KAZN: variants seen among roughly 807,000 people sequenced by gnomAD.
KAZN encodes the protein kazrin, periplakin interacting protein.
In KAZN, 40 loss-of-function variants were observed where a neutral mutation model predicts 87.4. The observed-to-expected ratio is 0.46, with a 90% CI of 0.36 to 0.60. The LOEUF is 0.60. Ranked by LOEUF, KAZN falls within the 20% of genes least tolerant of loss-of-function variation. The pLI is 0.00. For synonymous variants in KAZN, 466 were observed against 458.3 expected (o/e 1.02, Z -0.22); for missense variants, 898 against 1,073.9 (o/e 0.84, Z 2.29).
chr1:14,572,642 A>G (rs1557808723), intron 2 of KAZN, among the ~76,000 whole-genome samples: 1 of 152,112 alleles, frequency 6.6e-6, no homozygotes, highest in Admixed American at 6.5e-5. Context: ...GCTCTGTCGC[A>G]TTGAGCCTAT....
chr1:14,610,978 TG>T (rs2148620638), intron 1 of KAZN, among the ~76,000 whole-genome samples: 1 of 152,374 alleles, frequency 6.6e-6, no homozygotes, highest in South Asian at 2.1e-4. Context: ...ACTTTCGCTG[TG>T]GCTGTAACTG....
chr1:14,379,811 G>A (rs1661220314), intron 2 of KAZN, among the ~76,000 whole-genome samples: 1 of 152,160 alleles, frequency 6.6e-6, no homozygotes, highest in Non-Finnish European at 1.5e-5. Context: ...TAGTGCCTGG[G>A]GGAGCTTGCC....
At position 14,181,267 on chromosome 1, in the gene KAZN, C is replaced by A. The variant is rs1179778810; in HGVS notation, c.249+675C>A. Among the ~76,000 whole-genome samples, 7 of 152,132 alleles carry A rather than the reference C, an allele frequency of 4.6e-5. No homozygotes were observed. The South Asian group carries it at 1.5e-3, about 32-fold the overall frequency. On this transcript the variant is annotated intron_variant, in intron 2 of 16. Coordinates refer to the KAZN transcript ENST00000636203. ...GAGCTAGATCTAATTGTCATTCCTA[C>A]CTCTTCAGTGTCGGGAAATGTTTCA...
intron 2 of KAZN, among the ~76,000 whole-genome samples, chr1:14,325,790 A>G (rs78158000): frequency 0.054 from 8,193 of 152,248 alleles, 341 homozygotes; most frequent in East Asian, 0.14. Flanking sequence ...ATTATTATAA[A>G]ACACCATCAA....
intron 2 of KAZN, among the ~76,000 whole-genome samples, chr1:14,593,673 C>T (rs572878357): frequency 6.6e-6 from 1 of 152,088 alleles, no homozygotes; most frequent in South Asian, 2.1e-4. Flanking sequence ...AGAACAATAA[C>T]CAATGGCCAT....
At chr1:14,563,912 C>A (rs1674400671) in intron 2 of KAZN, among the ~76,000 whole-genome samples, 2 of 105,926 alleles carry the variant, frequency 1.9e-5, no homozygotes, top group Non-Finnish European at 3.9e-5. Flanking sequence ...TCTTGCTCAG[C>A]CACCCAGGCT....
chr1:14,772,206 G>A (rs1459211707), intron 1 of KAZN, among the ~76,000 whole-genome samples: 1 of 152,144 alleles, frequency 6.6e-6, no homozygotes, highest in East Asian at 1.9e-4. Context: ...GATGGGCCTG[G>A]GTGCGGTGGC....
intron 1 of KAZN, among the ~76,000 whole-genome samples, chr1:14,004,576 C>A (rs950533370): frequency 6.6e-6 from 1 of 152,172 alleles, no homozygotes; most frequent in African/African-American, 2.4e-5. Context: ...CTAGAAGAAG[C>A]ACGATGAGAA....
chr1:14,874,723 T>C (rs1652565036), intron 1 of KAZN, among the ~76,000 whole-genome samples: 1 of 152,186 alleles, frequency 6.6e-6, no homozygotes, highest in South Asian at 2.1e-4. Flanking sequence ...GTGACCTGTG[T>C]TTGCTATAAG....
Position 14,200,331 on chromosome 1 carries a change from T to C in KAZN, c.249+19739T>C, listed in dbSNP as rs1162068944. Among the ~76,000 whole-genome samples, 7 of 152,206 alleles carry C rather than the reference T, an allele frequency of 4.6e-5. No homozygotes were observed. The East Asian group carries it at 5.8e-4, about 13-fold the overall frequency. ...TACACAGAAATATTAACAGAAGTGATCTCTGAACAGTGAGATAATAGTTTT... is the reference window on the plus strand; with the variant it reads ...TACACAGAAATATTAACAGAAGTGACCTCTGAACAGTGAGATAATAGTTTT... On this transcript the variant is annotated intron_variant, in intron 2 of 16. Coordinates refer to the KAZN transcript ENST00000636203.
At chr1:14,317,864 A>G (rs1655766778) in intron 2 of KAZN, among the ~76,000 whole-genome samples, 1 of 151,976 alleles carries the variant, frequency 6.6e-6, no homozygotes, top group Non-Finnish European at 1.5e-5. Flanking sequence ...GAACCTATCC[A>G]TGACATAAAG....
chr1:14,608,415 A>C (rs1305384043), intron 1 of KAZN, among the ~76,000 whole-genome samples: 1 of 152,220 alleles, frequency 6.6e-6, no homozygotes, highest in Non-Finnish European at 1.5e-5. Context: ...AAAATAGACA[A>C]TGAAGTGACA....
chr1:13,921,867 G>A (rs980152145), intron 1 of KAZN, among the ~76,000 whole-genome samples: 5 of 152,068 alleles, frequency 3.3e-5, no homozygotes, highest in Admixed American at 6.5e-5. Context: ...TCCTGACCTC[G>A]TGATCTGCCC....
intron 1 of KAZN, among the ~76,000 whole-genome samples, chr1:13,996,753 G>A (rs759178993): frequency 1.3e-4 from 20 of 152,228 alleles, no homozygotes; most frequent in Non-Finnish European, 2.5e-4. Flanking sequence ...CTGCAGACCA[G>A]CAGACTTAGC....
At chr1:14,257,140 A>G (rs1050682098) in intron 2 of KAZN, among the ~76,000 whole-genome samples, 1 of 152,046 alleles carries the variant, frequency 6.6e-6, no homozygotes, top group Non-Finnish European at 1.5e-5. Context: ...GTATGTCCTT[A>G]TTTTTAAAGG....
intron 1 of KAZN, among the ~76,000 whole-genome samples, chr1:13,954,748 A>G (rs1033287378): frequency 3.9e-5 from 6 of 152,174 alleles, no homozygotes; most frequent in Non-Finnish European, 8.8e-5. Flanking sequence ...GCAATTGCCC[A>G]TAATTTATCC....
chr1:14,509,427 T>C (rs1393541764), intron 2 of KAZN, among the ~76,000 whole-genome samples: 2 of 152,188 alleles, frequency 1.3e-5, no homozygotes, highest in South Asian at 2.1e-4. Flanking sequence ...ATGTCCATGA[T>C]GGATGGAGAT....
At chr1:14,487,175 G>A (rs1669393585) in intron 2 of KAZN, among the ~76,000 whole-genome samples, 1 of 152,188 alleles carries the variant, frequency 6.6e-6, no homozygotes, top group Admixed American at 6.5e-5. Flanking sequence ...CAGCATGAGT[G>A]CTCAGGCCCC....
intron 1 of KAZN, among the ~76,000 whole-genome samples, chr1:14,872,583 TTGCTCA>T (rs59380329): frequency 0.01 from 1,567 of 152,332 alleles, 22 homozygotes; most frequent in African/African-American, 0.035. Context: ...TGAATAAGTC[TTGCTCA>T]TGCTCATAAT....
Sources: gnomAD v4.1 joint callset for allele counts (sites outside exome capture counted in the v4.1 genomes callset) on GRCh38, gnomAD v4.1.1 for gene constraint, MANE v1.5 for transcripts, NCBI Gene and HGNC (gene_info 2026-07-23, HGNC 2026-07-21) for gene names.